SP110: variants seen among roughly 807,000 people sequenced by gnomAD.
The protein encoded by SP110 is SP110 nuclear body protein.
Under a neutral mutation model 92.7 loss-of-function variants are expected in SP110, and 62 were observed. That is an observed-to-expected ratio of 0.67 (90% CI 0.55 to 0.83). The LOEUF is 0.83. SP110 is among the 40% of genes least tolerant of loss of function. The pLI is 0.00. For missense variants in SP110, 793 were observed against 863.9 expected (o/e 0.92, Z 1.03); for synonymous variants, 273 against 305.3 (o/e 0.89, Z 1.10).
chr2:230,220,020 G>T (rs1364491529), upstream of SP110: 2 of 985,492 alleles, frequency 2.0e-6, no homozygotes, highest in Non-Finnish European at 2.4e-6. Flanking sequence ...GGGCTTCCGA[G>T]AAAAGAAAAG....
At chr2:230,216,739 G>T (rs2045226050) in intron 2 of SP110, 42 bp downstream of exon 2, 1 of 1,610,622 alleles carries the variant, frequency 6.2e-7, no homozygotes, top group Non-Finnish European at 8.5e-7. Context: ...CAGGCATATT[G>T]GTGGGGGCTG....
At chr2:230,176,559 A>G (rs41309110) in intron 14 of SP110, 1,038 of 1,606,986 alleles carry the variant, frequency 6.5e-4, no homozygotes, top group Non-Finnish European at 5.8e-4. Flanking sequence ...TGAAGATGCC[A>G]TGCCCAAATG....
At chr2:230,176,485 T>C in intron 14 of SP110, 1 of 1,480,862 alleles carries the variant, frequency 6.8e-7, no homozygotes, top group Non-Finnish European at 8.9e-7. Context: ...AGCTTTTTCA[T>C]TTAATTTTTA....
At chr2:230,190,329 T>G (rs550194196) in intron 10 of SP110, among the ~76,000 whole-genome samples, 2 of 134,758 alleles carry the variant, frequency 1.5e-5, no homozygotes, top group East Asian at 4.6e-4. Flanking sequence ...TTTCCATATG[T>G]TTGTTGGCTA....
At chr2:230,181,753 T>C (rs1307827589) in intron 12 of SP110, among the ~76,000 whole-genome samples, 1 of 152,156 alleles carries the variant, frequency 6.6e-6, no homozygotes, top group Non-Finnish European at 1.5e-5. Flanking sequence ...CACAATGAGA[T>C]ACCATCTCAT....
chr2:230,176,616 T>C (rs202023433), intron 14 of SP110: 19 of 1,613,764 alleles, frequency 1.2e-5, no homozygotes, highest in East Asian at 6.7e-5. Flanking sequence ...AAGGTGAGCC[T>C]CCAGACAGGG....
chr2:230,200,900 G>T lies in SP110; in HGVS notation c.1114C>A (p.Arg372=), dbSNP rs199713399. 3 of 1,612,530 alleles carry T rather than the reference G, an allele frequency of 1.9e-6. No homozygotes were observed. In the African/African-American group the frequency reaches 4.0e-5, roughly 22 times the overall value. ...CAAGTTTTACCTTGTGTGACCCTTC[G>T]TGGTGTACTAGGCGTCTTCTGGGAC... The part of the protein sequence containing the change: ...KRSQKTPSTP[R]RVTQGAASPG... The change falls in exon 10 of 19, where the codon CGA becomes AGA. Residue 372 remains arginine (R), a synonymous_variant. Coordinates refer to ENST00000258381, the MANE Select transcript of SP110 (RefSeq NM_080424.4).
intron 1 of SP110, among the ~76,000 whole-genome samples, chr2:230,225,289 G>A (rs2046189594): frequency 6.6e-6 from 1 of 152,194 alleles, no homozygotes; most frequent in Admixed American, 6.5e-5. Context: ...TTTTACCTCT[G>A]TCTGCTTTCA....
Position 230,212,502 on chromosome 2 carries a change from G to A in SP110, c.584-72C>T, listed in dbSNP as rs1384294982. 3.2e-6 allele frequency: 4 copies of A among 1,262,554 alleles called. No individual in the cohort carries two copies. In the Admixed American group the frequency reaches 6.8e-5, roughly 21 times the overall value. 78.2% of individuals were successfully genotyped at this position (1,262,554 alleles called of 1,614,324 possible). A position where few individuals can be genotyped will look rare whatever the true frequency, so the allele number is the denominator to read the frequency against. On this transcript the variant is annotated intron_variant, in intron 4 of 18. Transcript: ENST00000258381. ...AGGGAGAAGAGTGAATGTTAAAAGTGCCTGGGGCAGATAGAGCATCAAGGC... is the reference window on the plus strand; with the variant it reads ...AGGGAGAAGAGTGAATGTTAAAAGTACCTGGGGCAGATAGAGCATCAAGGC...
chr2:230,175,376 A>C (rs982160807), intron 14 of SP110, among the ~76,000 whole-genome samples: 4 of 139,386 alleles, frequency 2.9e-5, no homozygotes, highest in African/African-American at 7.6e-5. Context: ...AATATTCTAT[A>C]AGAAAAGTTT....
Position 230,173,160 on chromosome 2 carries a change from C to T in SP110, c.1591-201G>A, listed in dbSNP as rs559346831. On this transcript the variant is annotated intron_variant, in intron 14 of 18. Coordinates refer to ENST00000258381, the MANE Select transcript of SP110 (RefSeq NM_080424.4). ...ACAAGCAGAGAGTCTGGGTGGTGAC[C>T]GCCGCCACCAGGACTTTTCTTCTCT... The T allele has an allele frequency of 5.7e-4, 318 of 554,970 alleles. 4 individuals carry two copies. Among genetic ancestry groups the T allele is most frequent in the South Asian group, 4.9e-3 (278 of 56,538 alleles). The allele number at this position is 554,970 out of a possible 1,614,324, so 34.4% of individuals were successfully genotyped here.
rs78222619 is a variant in SP110 at position 230,166,321 on chromosome 2, G to T, written c.*2803C>A. 8.5e-5 allele frequency among the ~76,000 whole-genome samples: 13 copies of T among 152,320 alleles called. No homozygotes were observed. In the East Asian group the frequency reaches 2.5e-3, roughly 29 times the overall value. On this transcript the variant is annotated 3_prime_UTR_variant, in exon 19 of 19. Coordinates refer to ENST00000258381, the MANE Select transcript of SP110 (RefSeq NM_080424.4). ...AACCGTAAAGAAAGCAGATAATGTGGTTACCACTGTCTCTCCAGTGAACTC... is the reference window on the plus strand; with the variant it reads ...AACCGTAAAGAAAGCAGATAATGTGTTTACCACTGTCTCTCCAGTGAACTC...
At position 230,165,671 on chromosome 2, in the gene SP110, AT is replaced by A. The variant is rs1485905781; in HGVS notation, c.*3452del. On this transcript the variant is annotated 3_prime_UTR_variant, in exon 19 of 19. Coordinates refer to ENST00000258381, the MANE Select transcript of SP110 (RefSeq NM_080424.4). ...TGAGAGGTATCAAAGTGATAAACGC[AT>A]TGCCTTAAGTATGTGACACATTACA... 6.6e-6 allele frequency among the ~76,000 whole-genome samples: 1 copy of A among 152,212 alleles called. No individual in the cohort carries two copies. Among genetic ancestry groups the A allele is most frequent in the Non-Finnish European group, 1.5e-5 (1 of 68,042 alleles).
chr2:230,186,653 C>T (rs2042375530), intron 10 of SP110, among the ~76,000 whole-genome samples: 1 of 152,150 alleles, frequency 6.6e-6, no homozygotes, highest in African/African-American at 2.4e-5. Context: ...TACTCCCCCT[C>T]CTCCGTCCCT....
intron 2 of SP110, 129 bp downstream of exon 2, chr2:230,216,652 G>A: frequency 8.9e-7 from 1 of 1,121,914 alleles, no homozygotes; most frequent in Admixed American, 1.8e-5. Context: ...CCCACCTTCT[G>A]TGATAATGAA....
chr2:230,175,776 T>C (rs2041829555), intron 14 of SP110, among the ~76,000 whole-genome samples: 1 of 152,126 alleles, frequency 6.6e-6, no homozygotes, highest in South Asian at 2.1e-4. Context: ...GGATGCCCTG[T>C]AGAGACAAAG....
chr2:230,171,615 G>C (rs41541917), intron 17 of SP110, 81 bp downstream of exon 17: 2 of 1,069,624 alleles, frequency 1.9e-6, no homozygotes, highest in East Asian at 2.4e-5. Context: ...AGCTTCCTGA[G>C]CAAACTGCAG....
At chr2:230,170,509 G>C in intron 18 of SP110, 112 bp downstream of exon 18, 1 of 1,302,504 alleles carries the variant, frequency 7.7e-7, no homozygotes, top group Non-Finnish European at 1.1e-6. Context: ...TCCTTGTCTT[G>C]TTTGAGCTCT....
At chr2:230,177,765 C>T in intron 13 of SP110, 85 bp from the exon 14 acceptor site, 1 of 1,448,928 alleles carries the variant, frequency 6.9e-7, no homozygotes, top group Non-Finnish European at 9.6e-7. Context: ...TGGCCTTCTA[C>T]CTTTCCAGGT....
Sources: allele counts gnomAD v4.1 joint callset (sites outside exome capture counted in the v4.1 genomes callset), GRCh38; gene constraint gnomAD v4.1.1; transcripts MANE v1.5; gene names NCBI Gene and HGNC (gene_info 2026-07-23, HGNC 2026-07-21).